The following COL28A1 variants were observed in gnomAD, a reference collection of about 807,000 sequenced individuals.
COL28A1 encodes collagen type XXVIII alpha 1 chain, also known as collagen alpha-1(XXVIII) chain.
COL28A1 carries 161 observed loss-of-function variants against 150.2 expected under a neutral mutation model. The observed-to-expected ratio is 1.07, with a 90% CI of 0.94 to 1.22. COL28A1 has a LOEUF of 1.22. Ranked by LOEUF, COL28A1 falls within the 50% of genes most tolerant of loss-of-function variation. The pLI is 0.00. For synonymous variants in COL28A1, 552 were observed against 469.7 expected, an observed-to-expected ratio of 1.18 and a Z score of -2.26; for missense variants, 1,617 against 1,388.3, an observed-to-expected ratio of 1.16 and a Z score of -2.62.
At chr7:7,393,682 C>T (rs1782675182) in intron 27 of COL28A1, among the ~76,000 whole-genome samples, 1 of 152,182 alleles carries the variant, frequency 6.6e-6, no homozygotes, top group South Asian at 2.1e-4. Flanking sequence ...GGCAGTCAGG[C>T]TACAGCGGCA....
chr7:7,520,910 T>G (rs1188686756), intron 5 of COL28A1, among the ~76,000 whole-genome samples: 1 of 152,230 alleles, frequency 6.6e-6, no homozygotes, highest in Non-Finnish European at 1.5e-5. Flanking sequence ...CAGCTTCTAC[T>G]GGCTGCCCCA....
chr7:7,507,126 T>C lies in COL28A1; in HGVS notation c.963A>G (p.Arg321=). The C allele has an allele frequency of 1.6e-6, 2 of 1,283,042 alleles. No homozygotes were observed. The highest frequency in any genetic ancestry group is 2.3e-6 in the Non-Finnish European group (2 of 879,078). The allele number at this position is 1,283,042 out of a possible 1,614,324, so 79.5% of individuals were successfully genotyped here. A position where few individuals can be genotyped will look rare whatever the true frequency, so the allele number is the denominator to read the frequency against. ...SPGPYGPKGP[R]GIQGITGPPG... The stretch of plus-strand genomic sequence containing the variant: ...GTTTTAACCCCCTTACCTGAATTCC[T>C]CTGGGTCCCTTTGGTCCATATGGCC... The change falls in exon 10 of 35, where the codon AGA becomes AGG. Residue 321 remains arginine, a synonymous_variant. Transcript: ENST00000399429.
chr7:7,351,747 A>ATG (rs921044388), downstream of COL28A1, among the ~76,000 whole-genome samples: 8 of 151,956 alleles, frequency 5.3e-5, no homozygotes, highest in Admixed American at 1.3e-4. Context: ...ACAAAATGTC[A>ATG]TGTGTGTGTG....
intron 11 of COL28A1, among the ~76,000 whole-genome samples, chr7:7,500,980 A>G (rs186938925): frequency 3.3e-5 from 5 of 152,246 alleles, no homozygotes; most frequent in African/African-American, 7.2e-5. Context: ...TCATTCACTA[A>G]CAGTAGGTCT....
intron 27 of COL28A1, among the ~76,000 whole-genome samples, chr7:7,393,464 T>C (rs1428580301): frequency 2.6e-5 from 4 of 152,240 alleles, no homozygotes. Flanking sequence ...GTCTGACCCT[T>C]AGCAGAGCTT....
intron 14 of COL28A1, among the ~76,000 whole-genome samples, chr7:7,475,741 G>A (rs898859289): frequency 6.6e-6 from 1 of 152,088 alleles, no homozygotes; most frequent in Non-Finnish European, 1.5e-5. Context: ...ATAAATAGAA[G>A]TAGAAATTTA....
chr7:7,503,443 G>A (rs183325771), intron 11 of COL28A1, among the ~76,000 whole-genome samples: 12 of 152,296 alleles, frequency 7.9e-5, no homozygotes, highest in African/African-American at 2.9e-4. Flanking sequence ...GCCCATTAGA[G>A]AATACAGAAT....
intron 27 of COL28A1, among the ~76,000 whole-genome samples, chr7:7,411,070 T>G (rs1783762940): frequency 1.3e-5 from 2 of 152,140 alleles, no homozygotes; most frequent in Admixed American, 1.3e-4. Flanking sequence ...GGCAGAAGGT[T>G]GGCAGGCTCC....
intron 4 of COL28A1, 89 bp downstream of exon 4, chr7:7,524,140 C>G: frequency 1.2e-6 from 1 of 818,914 alleles, no homozygotes; most frequent in South Asian, 1.5e-5. Context: ...TATTTAGTCA[C>G]ACTTAATCTT....
chr7:7,499,063 T>C (rs930148486), intron 11 of COL28A1, among the ~76,000 whole-genome samples: 1 of 152,148 alleles, frequency 6.6e-6, no homozygotes. Context: ...AGTTGTCTCA[T>C]GTCAAACGAG....
intron 27 of COL28A1, among the ~76,000 whole-genome samples, chr7:7,395,164 G>C (rs1470767930): frequency 6.6e-6 from 1 of 152,154 alleles, no homozygotes; most frequent in East Asian, 1.9e-4. Context: ...GTGGTGGCAT[G>C]CTCCTGTAGT....
At chr7:7,520,687 C>T (rs982840967) in intron 5 of COL28A1, among the ~76,000 whole-genome samples, 4 of 152,078 alleles carry the variant, frequency 2.6e-5, no homozygotes, top group African/African-American at 7.2e-5. Flanking sequence ...TGGGGGTACT[C>T]GATAATGTTA....
chr7:7,490,700 G>T lies in COL28A1; in HGVS notation c.1027-54C>A. The T allele has an allele frequency of 3.7e-6, 3 of 818,862 alleles. No individual in the cohort carries two copies. In the South Asian group the frequency reaches 4.5e-5, roughly 12 times the overall value. The allele number at this position is 818,862 out of a possible 1,614,324, so 50.7% of individuals were successfully genotyped here. A position where few individuals can be genotyped will look rare whatever the true frequency, so the allele number is the denominator to read the frequency against. ...TATGTTAGGTCGACTCAATAGTATT[G>T]ACTAAGCAGCTTTTAGATGTATGGT... On this transcript the variant is annotated intron_variant, in intron 11 of 34. Transcript: ENST00000399429.
At chr7:7,413,466 T>C (rs1351208771) in intron 27 of COL28A1, among the ~76,000 whole-genome samples, 2 of 152,196 alleles carry the variant, frequency 1.3e-5, no homozygotes, top group Admixed American at 6.5e-5. Flanking sequence ...TGAGTACCTT[T>C]CCAAGCCACT....
intron 9 of COL28A1, among the ~76,000 whole-genome samples, chr7:7,507,610 T>C (rs1198761517): frequency 1.3e-5 from 2 of 152,184 alleles, no homozygotes; most frequent in Non-Finnish European, 2.9e-5. Flanking sequence ...TTCAATACTC[T>C]TCTAATAGAA....
chr7:7,463,995 C>A (rs1020950077), intron 15 of COL28A1, among the ~76,000 whole-genome samples: 1 of 152,124 alleles, frequency 6.6e-6, no homozygotes, highest in Admixed American at 6.5e-5. Flanking sequence ...ACACCAAAAG[C>A]AACCAGGGGT....
intron 27 of COL28A1, among the ~76,000 whole-genome samples, chr7:7,416,646 T>C (rs917634458): frequency 6.6e-6 from 1 of 152,162 alleles, no homozygotes; most frequent in African/African-American, 2.4e-5. Context: ...GCTTGTACAA[T>C]ATGGGCAACA....
At chr7:7,395,275 C>T (rs997233108) in intron 27 of COL28A1, among the ~76,000 whole-genome samples, 2 of 152,074 alleles carry the variant, frequency 1.3e-5, no homozygotes, top group African/African-American at 4.8e-5. Context: ...GCCTGGGCAA[C>T]AGAGTGAGGC....
At chr7:7,517,775 G>A in intron 7 of COL28A1, 21 bp downstream of exon 7, 1 of 1,613,182 alleles carries the variant, frequency 6.2e-7, no homozygotes. Flanking sequence ...TCTTAGGAAG[G>A]CATTCCAGTT....
Sources: allele counts gnomAD v4.1 joint callset (sites outside exome capture counted in the v4.1 genomes callset), GRCh38; gene constraint gnomAD v4.1.1; transcripts MANE v1.5; gene names NCBI Gene and HGNC (gene_info 2026-07-23, HGNC 2026-07-21).